Variants in SCAMP4 observed in about 807,000 individuals in gnomAD.
SCAMP4 encodes secretory carrier-associated membrane protein 4.
A neutral mutation model predicts 32.1 loss-of-function variants in SCAMP4; 19 were observed. The ratio of observed to expected loss-of-function variants is 0.59; its 90% confidence interval spans 0.41 to 0.87. The LOEUF is 0.87. Ranked by LOEUF, SCAMP4 falls within the 40% of genes least tolerant of loss-of-function variation. The pLI, the probability that SCAMP4 is intolerant of heterozygous loss-of-function variation, is 0.00. For synonymous variants in SCAMP4, 152 were observed against 132.7 expected (o/e 1.15, Z -1.00); for missense variants, 302 against 309.0 (o/e 0.98, Z 0.17).
chr19:1,907,166 G>A (rs961026016), intron 1 of SCAMP4: 1 of 151,720 alleles, frequency 6.6e-6, no homozygotes, highest in African/African-American at 2.4e-5. Context: ...CAGCCTGGGG[G>A]ACAGAGTGAG....
At chr19:1,920,301 C>T (rs2013877550) in intron 5 of SCAMP4, 1 of 985,188 alleles carries the variant, frequency 1.0e-6, no homozygotes, top group Non-Finnish European at 1.2e-6. Flanking sequence ...TTAGCAAGCT[C>T]CTGTTCTGGG....
intron 1 of SCAMP4, chr19:1,906,683 T>TA (rs2031728430): frequency 6.7e-6 from 1 of 149,004 alleles, no homozygotes; most frequent in South Asian, 2.1e-4. Context: ...ACCCTGTCTC[T>TA]ACTAAAAATA....
At chr19:1,912,116 C>G (rs758850357) in intron 1 of SCAMP4, 3 of 1,533,680 alleles carry the variant, frequency 2.0e-6, no homozygotes, top group East Asian at 4.8e-5. Flanking sequence ...CCCCGGGCCT[C>G]GTGGAGCAGC....
At chr19:1,922,483 C>T (rs925809757) in intron 5 of SCAMP4, 32 of 940,796 alleles carry the variant, frequency 3.4e-5, no homozygotes, top group Non-Finnish European at 3.9e-5. Context: ...GATCCGCCCG[C>T]CTCGGCCTCC....
chr19:1,921,499 G>A (rs2013919011), intron 5 of SCAMP4: 2 of 985,450 alleles, frequency 2.0e-6, no homozygotes, highest in East Asian at 1.1e-4. Flanking sequence ...GGGCGCCGCA[G>A]CCTCTAAGCG....
At chr19:1,919,074 C>G in intron 5 of SCAMP4, 84 bp downstream of exon 5, 6 of 1,550,450 alleles carry the variant, frequency 3.9e-6, no homozygotes, top group Non-Finnish European at 4.4e-6. Flanking sequence ...AGGCGGCCAC[C>G]GGAGCGTGCT....
At chr19:1,912,244 T>C (rs375035545) in intron 1 of SCAMP4, 2 of 1,597,284 alleles carry the variant, frequency 1.3e-6, no homozygotes, top group African/African-American at 2.7e-5. Flanking sequence ...GCCGCGCCCG[T>C]CCTGGACAAG....
In SCAMP4 at chr19:1,908,075, G is replaced by A. The variant is rs1196016612; in HGVS notation, c.-42+2636G>A. 5.8e-6 allele frequency: 1 copy of A among 173,724 alleles called. No individual in the cohort carries two copies. Among genetic ancestry groups the A allele is most frequent in the Admixed American group, 6.0e-5 (1 of 16,674 alleles). The allele number at this position is 173,724 out of a possible 1,614,324, so 10.8% of individuals were successfully genotyped here. On this transcript the variant is annotated intron_variant, in intron 1 of 6. Coordinates refer to ENST00000316097, the MANE Select transcript of SCAMP4 (RefSeq NM_079834.4). The surrounding 1 kb of genome is among the most constrained non-coding windows in gnomAD (Gnocchi z 4.2). ...TGGAGGGACAAGCGAGGCTGTGTTT[G>A]TCTTTTACCCTGGAGACAGTGGAGT... is the stretch of plus-strand genomic sequence containing the variant.
intron 1 of SCAMP4, chr19:1,912,017 C>A: frequency 7.0e-7 from 1 of 1,419,280 alleles, no homozygotes; most frequent in Non-Finnish European, 9.1e-7. Context: ...ACGGACTCCC[C>A]GGCTCTCCCC....
intron 1 of SCAMP4, chr19:1,912,946 T>C (rs779436376): frequency 3.7e-6 from 6 of 1,610,404 alleles, no homozygotes; most frequent in Non-Finnish European, 5.1e-6. Context: ...GGCTACGACC[T>C]GTACGTGACC....
chr19:1,906,570 G>A (rs953267800), intron 1 of SCAMP4: 5 of 151,994 alleles, frequency 3.3e-5, no homozygotes, highest in Non-Finnish European at 5.9e-5. Flanking sequence ...TACGTGTAGC[G>A]CCGGCCGTGG....
At chr19:1,923,244 C>T in intron 6 of SCAMP4, 57 bp downstream of exon 6, 4 of 1,435,870 alleles carry the variant, frequency 2.8e-6, no homozygotes, top group Non-Finnish European at 3.8e-6. Flanking sequence ...AACCTCGTCA[C>T]CCAACTGTCC....
rs375366278 is a variant in SCAMP4, at chr19:1,917,810, C to T, written c.124C>T (p.Arg42Trp). 1.1e-5 allele frequency: 17 copies of T among 1,613,842 alleles called. No individual in the cohort carries two copies. Among genetic ancestry groups the T allele is most frequent in the South Asian group, 2.2e-5 (2 of 91,078 alleles). The change falls in exon 3 of 7, where the codon CGG (arginine) becomes TGG (tryptophan). Residue 42 changes from arginine to tryptophan, a missense_variant. Transcript: ENST00000316097. ...EHQVLVKRIY[R>W]LWMFYCATLG... ...CCAGGTCCTGGTGAAGAGGATCTAC[C>T]GGCTGTGGATGTGTGAGTGCGCCTG...
intron 1 of SCAMP4, among the ~76,000 whole-genome samples, chr19:1,910,951 G>A (rs1253464819): frequency 1.3e-5 from 2 of 150,176 alleles, no homozygotes. Flanking sequence ...AATGTAACCT[G>A]CGCCTCCCAG....
chr19:1,918,626 G>A (rs2013814231), intron 4 of SCAMP4: 2 of 539,400 alleles, frequency 3.7e-6, no homozygotes, highest in African/African-American at 3.8e-5. Flanking sequence ...GCCAGGCGTG[G>A]TTGCGGGCGC....
intron 1 of SCAMP4, chr19:1,912,033 G>A: frequency 7.1e-6 from 10 of 1,415,232 alleles, no homozygotes; most frequent in Non-Finnish European, 8.2e-6. Flanking sequence ...TCCCCCAGCC[G>A]CCCGCAGCCG....
chr19:1,912,754 C>T, intron 1 of SCAMP4: 1 of 1,551,688 alleles, frequency 6.4e-7, no homozygotes, highest in Non-Finnish European at 8.6e-7. Context: ...GCGGACAACC[C>T]CCTCCTGCAC....
At chr19:1,906,866 T>TTGTGTGTGGGTGTGTGTGTGTGTG (rs2013147302) in intron 1 of SCAMP4, 1 of 130,084 alleles carries the variant, frequency 7.7e-6, no homozygotes. Flanking sequence ...AAAAAAAAAA[T>TTGTGTGTGGGTGTGTGTGTGTGTG]TGTGTGTGTG....
intron 1 of SCAMP4, chr19:1,913,567 T>C (rs1476510429): frequency 4.9e-6 from 1 of 202,734 alleles, no homozygotes; most frequent in East Asian, 1.5e-4. Flanking sequence ...GTCAGAGACC[T>C]GGGCTGATTC....
Sources: allele counts gnomAD v4.1 joint callset (sites outside exome capture counted in the v4.1 genomes callset), GRCh38; gene constraint gnomAD v4.1.1; non-coding constraint Gnocchi (gnomAD v3.1); transcripts MANE v1.5; gene names NCBI Gene and HGNC (gene_info 2026-07-23, HGNC 2026-07-21).